Variants in KLKB1 observed in about 807,000 individuals in gnomAD.
The protein encoded by KLKB1 is kallikrein B1, also known as plasma kallikrein.
In KLKB1, 58 loss-of-function variants were observed where a neutral mutation model predicts 73.6. The observed-to-expected ratio is 0.79, with a 90% CI of 0.64 to 0.98. KLKB1 has a LOEUF of 0.98. Ranked by LOEUF, KLKB1 falls within the 50% of genes least tolerant of loss-of-function variation. The pLI is 0.00. For synonymous variants in KLKB1, 280 were observed against 258.1 expected, an observed-to-expected ratio of 1.08 and a Z score of -0.81; for missense variants, 737 against 763.8, an observed-to-expected ratio of 0.96 and a Z score of 0.41.
At chr4:186,212,028 G>A (rs1736740475) in intron 2 of KLKB1, 2 of 152,046 alleles carry the variant, frequency 1.3e-5, no homozygotes, top group Admixed American at 6.5e-5. Context: ...AAGGACTTTA[G>A]AACTTATCTA....
chr4:186,246,132 G>A (rs558349129), intron 6 of KLKB1, among the ~76,000 whole-genome samples: 22 of 152,100 alleles, frequency 1.4e-4, no homozygotes, highest in East Asian at 3.9e-4. Flanking sequence ...AAGCTGGACC[G>A]GGTGTGAGGA....
intron 2 of KLKB1, among the ~76,000 whole-genome samples, chr4:186,221,059 A>G (rs1427223263): frequency 6.6e-6 from 1 of 152,014 alleles, no homozygotes; most frequent in Admixed American, 6.6e-5. Flanking sequence ...CTAGGAATTT[A>G]TCTATTTCTT....
chr4:186,234,329 G>T (rs1737548600), intron 4 of KLKB1, among the ~76,000 whole-genome samples: 1 of 152,162 alleles, frequency 6.6e-6, no homozygotes, highest in Non-Finnish European at 1.5e-5. Flanking sequence ...AAATAATTGT[G>T]TCTCGTTTCC....
rs754599677 is a variant in KLKB1, at chr4:186,251,780, G to A, written c.1063G>A (p.Gly355Ser). ...GTGTTTCTTAAGATTATCTATGGAT[G>A]GTTCTCCAACTAGGATTGCGTATGG... ...CKCFLRLSMD[G>S]SPTRIAYGTQ... Residue 355 changes from glycine to serine, a missense_variant, in exon 10 of 15, where the codon GGT (glycine) becomes AGT (serine). By Grantham distance (56) the Gly-to-Ser change is moderately conservative. Coordinates refer to ENST00000264690, the MANE Select transcript of KLKB1 (RefSeq NM_000892.5). 1 of 1,613,822 alleles carries A rather than the reference G, an allele frequency of 6.2e-7. No homozygotes were observed. Among genetic ancestry groups the A allele is most frequent in the South Asian group, 1.1e-5 (1 of 91,082 alleles).
In KLKB1 at chr4:186,256,049, A is replaced by G. The variant is rs1294734239; in HGVS notation, c.1547A>G (p.Asn516Ser). Residue 516 changes from asparagine to serine, a missense_variant, in exon 13 of 15, where the codon AAC (asparagine) becomes AGC (serine). Coordinates refer to ENST00000264690, the MANE Select transcript of KLKB1 (RefSeq NM_000892.5). ...GGTGACACAAGCACAATTTATACCAACTGTTGGGTAACCGGATGGGGCTTC... is the reference window on the plus strand; with the variant it reads ...GGTGACACAAGCACAATTTATACCAGCTGTTGGGTAACCGGATGGGGCTTC... ...SKGDTSTIYT[N>S]CWVTGWGFSK... is the part of the protein sequence containing the mutation. The G allele has an allele frequency of 6.2e-7, 1 of 1,613,168 alleles. No homozygotes were observed. Among genetic ancestry groups the G allele is most frequent in the Admixed American group, 1.7e-5 (1 of 60,026 alleles).
chr4:186,253,628 C>T (rs1738827208), intron 11 of KLKB1, among the ~76,000 whole-genome samples: 1 of 110,404 alleles, frequency 9.1e-6, no homozygotes, highest in African/African-American at 3.3e-5. Flanking sequence ...CCCCTTTGCA[C>T]CTGATATCTC....
At chr4:186,235,640 C>A (rs534005771) in intron 4 of KLKB1, among the ~76,000 whole-genome samples, 1 of 152,108 alleles carries the variant, frequency 6.6e-6, no homozygotes, top group African/African-American at 2.4e-5. Context: ...TTCTGTCTTT[C>A]CCACCCTTAA....
chr4:186,250,042 T>C (rs912353396), intron 6 of KLKB1, among the ~76,000 whole-genome samples: 18 of 152,320 alleles, frequency 1.2e-4, no homozygotes, highest in Non-Finnish European at 1.0e-4. Flanking sequence ...AATAGGAATT[T>C]GCCCCTTAGA....
rs4253350 is a variant in KLKB1 at position 186,238,286 on chromosome 4, A to G, written c.519A>G (p.Gly173=). Reference sequence around the variant, plus strand: ...ATTGCCTATTAAAGTACAGTCCCGGAGGAACACCTACCGCTATAAAGGTGC... The same window carrying G: ...ATTGCCTATTAAAGTACAGTCCCGGGGGAACACCTACCGCTATAAAGGTGC... ...RNNCLLKYSP[G]GTPTAIKVLS... The change falls in exon 6 of 15, where the codon GGA becomes GGG. Residue 173 remains glycine (G), a synonymous_variant. Coordinates refer to ENST00000264690, the MANE Select transcript of KLKB1 (RefSeq NM_000892.5). The G allele has an allele frequency of 2.0e-3, 3,240 of 1,613,582 alleles. 68 individuals are homozygous for G. In the African/African-American group the frequency reaches 0.038, roughly 19 times the overall value.
intron 6 of KLKB1, among the ~76,000 whole-genome samples, chr4:186,242,934 G>A (rs1462204034): frequency 3.0e-5 from 4 of 131,684 alleles, no homozygotes; most frequent in African/African-American, 5.4e-5. Context: ...GTCTGTTATC[G>A]GATTGTATAG....
intron 6 of KLKB1, among the ~76,000 whole-genome samples, chr4:186,240,497 A>T (rs1737974676): frequency 6.6e-6 from 1 of 152,192 alleles, no homozygotes; most frequent in South Asian, 2.1e-4. Flanking sequence ...TTCACACATA[A>T]AGGTAATTTC....
chr4:186,229,375 A>C (rs531285657), intron 2 of KLKB1, among the ~76,000 whole-genome samples: 29 of 152,260 alleles, frequency 1.9e-4, no homozygotes, highest in African/African-American at 7.0e-4. Flanking sequence ...ACATATACCT[A>C]TTTGCACATT....
chr4:186,236,198 C>T (rs1404772795), intron 4 of KLKB1, among the ~76,000 whole-genome samples: 5 of 151,398 alleles, frequency 3.3e-5, no homozygotes, highest in African/African-American at 1.2e-4. Flanking sequence ...TAAGACAAAT[C>T]TCAATGAAAA....
intron 4 of KLKB1, among the ~76,000 whole-genome samples, chr4:186,235,719 T>C (rs1001782395): frequency 5.2e-4 from 79 of 152,168 alleles, no homozygotes; most frequent in Non-Finnish European, 1.0e-3. Flanking sequence ...TATGGTTTAT[T>C]CCACATAATC....
At chr4:186,237,544 C>T (rs981766492) in intron 5 of KLKB1, among the ~76,000 whole-genome samples, 2 of 152,156 alleles carry the variant, frequency 1.3e-5, no homozygotes, top group Admixed American at 6.5e-5. Flanking sequence ...CCTCAAATAC[C>T]GTCCCCTCCA....
At chr4:186,232,314 G>A (rs772333301) in intron 3 of KLKB1, 25 bp downstream of exon 3, 16 of 1,607,852 alleles carry the variant, frequency 1.0e-5, no homozygotes, top group Non-Finnish European at 1.4e-5. Context: ...TTCATTATTG[G>A]AGAAGCTGTT....
chr4:186,228,648 A>G (rs1737257663), intron 2 of KLKB1, among the ~76,000 whole-genome samples: 3 of 152,218 alleles, frequency 2.0e-5, no homozygotes, highest in Non-Finnish European at 2.9e-5. Flanking sequence ...TCTGGGTCCA[A>G]TCCAAGTATC....
intron 2 of KLKB1, among the ~76,000 whole-genome samples, chr4:186,213,849 G>A (rs1247334411): frequency 6.6e-6 from 1 of 152,194 alleles, no homozygotes; most frequent in Non-Finnish European, 1.5e-5. Context: ...ATGCCTGAGT[G>A]ATACATTTAA....
intron 6 of KLKB1, among the ~76,000 whole-genome samples, chr4:186,242,563 G>A (rs1384073044): frequency 6.6e-6 from 1 of 152,308 alleles, no homozygotes; most frequent in East Asian, 1.9e-4. Context: ...AGAATGATTG[G>A]TGATGGCCTG....
Sources: gnomAD v4.1 joint callset for allele counts (sites outside exome capture counted in the v4.1 genomes callset) on GRCh38, gnomAD v4.1.1 for gene constraint, MANE v1.5 for transcripts, NCBI Gene and HGNC (gene_info 2026-07-23, HGNC 2026-07-21) for gene names.